GRM8: variants seen among roughly 807,000 people sequenced by gnomAD.
The protein encoded by GRM8 is metabotropic glutamate receptor 8.
A neutral mutation model predicts 87.2 loss-of-function variants in GRM8; 47 were observed. The ratio of observed to expected loss-of-function variants is 0.54; its 90% CI spans 0.43 to 0.69. The LOEUF (loss-of-function observed/expected upper bound fraction) is 0.69, where lower values mean the gene tolerates loss of function less well. Ranked by LOEUF, GRM8 falls within the 30% of genes least tolerant of loss-of-function variation. GRM8 has a pLI of 0.00. For missense variants in GRM8, 1,019 were observed against 1,139.2 expected, an observed-to-expected ratio of 0.89 and a Z score of 1.52; for synonymous variants, 396 against 404.5, an observed-to-expected ratio of 0.98 and a Z score of 0.25.
chr7:127,187,339 G>T (rs1325347024), intron 2 of GRM8, among the ~76,000 whole-genome samples: 1 of 152,024 alleles, frequency 6.6e-6, no homozygotes, highest in Non-Finnish European at 1.5e-5. Flanking sequence ...TTTATCCCCA[G>T]TGCCAAAACA....
At chr7:126,737,607 T>C (rs1203356204) in intron 7 of GRM8, among the ~76,000 whole-genome samples, 1 of 152,076 alleles carries the variant, frequency 6.6e-6, no homozygotes, top group Non-Finnish European at 1.5e-5. Flanking sequence ...AATTTAATAC[T>C]AGACTGAAAA....
At chr7:126,626,930 T>C (rs1006618062) in intron 7 of GRM8, among the ~76,000 whole-genome samples, 1 of 152,222 alleles carries the variant, frequency 6.6e-6, no homozygotes, top group Non-Finnish European at 1.5e-5. Flanking sequence ...CACTGGAGAA[T>C]TTATAAAATC....
At chr7:127,061,110 A>G (rs1009821535) in intron 3 of GRM8, among the ~76,000 whole-genome samples, 7 of 151,466 alleles carry the variant, frequency 4.6e-5, no homozygotes, top group African/African-American at 1.7e-4. Flanking sequence ...CTTTTCTTCT[A>G]CTTCTTTAGG....
intron 7 of GRM8, among the ~76,000 whole-genome samples, chr7:126,630,248 C>T (rs140985296): frequency 6.6e-6 from 1 of 151,814 alleles, no homozygotes; most frequent in African/African-American, 2.4e-5. Context: ...TAACAGATAA[C>T]AATATATCAA....
chr7:126,904,016 G>A lies in GRM8; in HGVS notation c.974C>T (p.Ala325Val). Residue 325 changes from alanine to valine, a missense_variant, in exon 5 of 11, where the codon GCA becomes GTA. Coordinates refer to ENST00000339582, the MANE Select transcript of GRM8 (RefSeq NM_000845.3). Reference sequence around the variant, plus strand: ...GGGCAAAATTGTCACAGCCCCTTCTGCAATCTCCTCTTGCTGATAGACAGG... The same window carrying A: ...GGGCAAAATTGTCACAGCCCCTTCTACAATCTCCTCTTGCTGATAGACAGG... The part of the protein sequence containing the change: ...IAPVYQQEEI[A>V]EGAVTILPKR... 1 of 1,572,618 alleles carries A rather than the reference G, an allele frequency of 6.4e-7. No individual in the cohort carries two copies. Among genetic ancestry groups the A allele is most frequent in the South Asian group, 1.1e-5 (1 of 90,010 alleles).
At chr7:126,986,076 A>G (rs1812034057) in intron 3 of GRM8, among the ~76,000 whole-genome samples, 1 of 152,052 alleles carries the variant, frequency 6.6e-6, no homozygotes, top group Admixed American at 6.6e-5. Context: ...CAGTGGTACA[A>G]TCATCAGTCT....
At chr7:126,950,505 C>A (rs1808023925) in intron 3 of GRM8, among the ~76,000 whole-genome samples, 1 of 152,172 alleles carries the variant, frequency 6.6e-6, no homozygotes, top group East Asian at 1.9e-4. Flanking sequence ...CTCTCTCTCT[C>A]TCAGTATCGC....
chr7:127,188,789 T>C, intron 2 of GRM8, among the ~76,000 whole-genome samples: 1 of 152,148 alleles, frequency 6.6e-6, no homozygotes, highest in East Asian at 1.9e-4. Context: ...CAGACAAGTT[T>C]GATGACATTC....
chr7:126,952,777 C>T (rs1343865151), intron 3 of GRM8, among the ~76,000 whole-genome samples: 2 of 151,986 alleles, frequency 1.3e-5, no homozygotes, highest in Non-Finnish European at 2.9e-5. Flanking sequence ...ATTCTATACT[C>T]TTCAAAAATA....
intron 2 of GRM8, among the ~76,000 whole-genome samples, chr7:127,185,368 A>G: frequency 6.6e-6 from 1 of 152,130 alleles, no homozygotes; most frequent in Non-Finnish European, 1.5e-5. Flanking sequence ...GGAAAAAGAG[A>G]GTATTTTCAA....
chr7:126,909,342 A>G (rs1480975326), intron 3 of GRM8, among the ~76,000 whole-genome samples: 2 of 152,134 alleles, frequency 1.3e-5, no homozygotes, highest in Non-Finnish European at 2.9e-5. Flanking sequence ...AATACTCCAC[A>G]TCCATTGCTT....
chr7:126,942,857 C>T (rs1410112946), intron 3 of GRM8, among the ~76,000 whole-genome samples: 1 of 152,120 alleles, frequency 6.6e-6, no homozygotes, highest in Non-Finnish European at 1.5e-5. Flanking sequence ...ACAGAGAGTA[C>T]TCTCACTGGG....
At chr7:126,705,229 A>G (rs1810372974) in intron 7 of GRM8, among the ~76,000 whole-genome samples, 2 of 152,124 alleles carry the variant, frequency 1.3e-5, no homozygotes, top group Admixed American at 1.3e-4. Context: ...TGCTATAATT[A>G]CTATCTGGAA....
chr7:127,139,027 G>T (rs1400791307), intron 2 of GRM8, among the ~76,000 whole-genome samples: 1 of 152,052 alleles, frequency 6.6e-6, no homozygotes, highest in Non-Finnish European at 1.5e-5. Flanking sequence ...TATGCGACAT[G>T]CCCAAGGTCT....
At chr7:126,855,514 C>A (rs1251124495) in intron 6 of GRM8, among the ~76,000 whole-genome samples, 1 of 151,468 alleles carries the variant, frequency 6.6e-6, no homozygotes, top group Non-Finnish European at 1.5e-5. Context: ...TTCTATCCCC[C>A]AGCCAGGCTG....
intron 3 of GRM8, among the ~76,000 whole-genome samples, chr7:127,085,301 G>C (rs981882880): frequency 6.6e-6 from 1 of 152,238 alleles, no homozygotes; most frequent in Non-Finnish European, 1.5e-5. Flanking sequence ...ATAGTAGCAT[G>C]ATTTATAATC....
At chr7:126,838,338 T>A (rs981194769) in intron 6 of GRM8, among the ~76,000 whole-genome samples, 1 of 152,224 alleles carries the variant, frequency 6.6e-6, no homozygotes, top group African/African-American at 2.4e-5. Context: ...CATAGCCAAG[T>A]ACTGGTAATA....
At chr7:126,526,549 CTTAAA>C (rs1251500930) in intron 9 of GRM8, among the ~76,000 whole-genome samples, 11 of 152,286 alleles carry the variant, frequency 7.2e-5, no homozygotes, top group Admixed American at 4.6e-4. Flanking sequence ...ATAATCAACA[CTTAAA>C]TTAAGTAATC....
At chr7:126,745,025 A>C (rs539624510) in intron 7 of GRM8, among the ~76,000 whole-genome samples, 1 of 151,908 alleles carries the variant, frequency 6.6e-6, no homozygotes, top group Non-Finnish European at 1.5e-5. Context: ...CACATTTTAA[A>C]TGTTTCTCAC....
Sources: allele counts gnomAD v4.1 joint callset (sites outside exome capture counted in the v4.1 genomes callset), GRCh38; gene constraint gnomAD v4.1.1; transcripts MANE v1.5; gene names NCBI Gene and HGNC (gene_info 2026-07-23, HGNC 2026-07-21).